Variants in THSD7A observed in about 807,000 individuals in gnomAD.
The protein encoded by THSD7A is thrombospondin type-1 domain-containing protein 7A.
A neutral mutation model predicts 231.3 loss-of-function variants in THSD7A; 96 were observed. The observed-to-expected ratio is 0.41, with a 90% CI of 0.35 to 0.49. The LOEUF (loss-of-function observed/expected upper bound fraction) is 0.49, where lower values mean the gene tolerates loss of function less well. Ranked by LOEUF, THSD7A falls within the 20% of genes least tolerant of loss-of-function variation. The pLI is 0.05. For synonymous variants in THSD7A, 940 were observed against 743.3 expected, an observed-to-expected ratio of 1.26 and a Z score of -4.30; for missense variants, 2,290 against 2,070.2, an observed-to-expected ratio of 1.11 and a Z score of -2.06.
At chr7:11,750,624 T>G (rs1562528049) in intron 1 of THSD7A, among the ~76,000 whole-genome samples, 1 of 152,082 alleles carries the variant, frequency 6.6e-6, no homozygotes, top group Non-Finnish European at 1.5e-5. Context: ...CAGAGGCCCC[T>G]GACGTGGCGC....
intron 1 of THSD7A, among the ~76,000 whole-genome samples, chr7:11,715,197 T>A (rs760114020): frequency 2.0e-5 from 3 of 151,448 alleles, no homozygotes. Flanking sequence ...AAAAATCATA[T>A]TGTTTTCCTC....
At chr7:11,428,466 A>C (rs1784386969) in intron 14 of THSD7A, among the ~76,000 whole-genome samples, 2 of 152,140 alleles carry the variant, frequency 1.3e-5, no homozygotes. Flanking sequence ...CCATCTTTGT[A>C]TTTCTTTTTC....
rs186509015 is a variant in THSD7A, at chr7:11,411,976, T to C, written c.3683-654A>G. Among the ~76,000 whole-genome samples the C allele has an allele frequency of 2.3e-3, 357 of 152,228 alleles. No homozygotes were observed. Among genetic ancestry groups the C allele is most frequent in the Non-Finnish European group, 4.1e-3 (276 of 68,012 alleles). ...AGAAACAAAGCCAATATGACTGTTATGTGTCATTGTACAGTTTCTTGAGTT... is the reference window on the plus strand; with the variant it reads ...AGAAACAAAGCCAATATGACTGTTACGTGTCATTGTACAGTTTCTTGAGTT... On this transcript the variant is annotated intron_variant, in intron 18 of 27. Coordinates refer to ENST00000423059, the MANE Select transcript of THSD7A (RefSeq NM_015204.3). This position sits in a 1 kb window ranked among gnomAD's most constrained non-coding sequence, Gnocchi z 4.1.
chr7:11,615,246 A>G (rs908001595), intron 2 of THSD7A, among the ~76,000 whole-genome samples: 3 of 152,226 alleles, frequency 2.0e-5, no homozygotes, highest in African/African-American at 7.2e-5. Flanking sequence ...CCCTGACTTG[A>G]AGACAAGCAG....
chr7:11,597,685 A>T (rs1780413471), intron 2 of THSD7A, among the ~76,000 whole-genome samples: 1 of 152,196 alleles, frequency 6.6e-6, no homozygotes, highest in Non-Finnish European at 1.5e-5. Context: ...ACGTTTGATT[A>T]TACGTCATCA....
chr7:11,693,365 A>C (rs780965703), intron 1 of THSD7A, among the ~76,000 whole-genome samples: 2 of 151,582 alleles, frequency 1.3e-5, no homozygotes, highest in African/African-American at 2.4e-5. Flanking sequence ...TACATCTATT[A>C]GTAACTAGAT....
chr7:11,525,555 T>C (rs1027311230), intron 6 of THSD7A, among the ~76,000 whole-genome samples: 5 of 152,128 alleles, frequency 3.3e-5, no homozygotes, highest in Admixed American at 2.6e-4. Flanking sequence ...ACATAAAATA[T>C]ATTTAAAAGT....
At chr7:11,600,446 T>A (rs1562759488) in intron 2 of THSD7A, among the ~76,000 whole-genome samples, 1 of 152,150 alleles carries the variant, frequency 6.6e-6, no homozygotes. Flanking sequence ...TGTTCAAACT[T>A]TTATCTATCT....
At chr7:11,812,214 G>A (rs1210827188) in intron 1 of THSD7A, among the ~76,000 whole-genome samples, 1 of 151,676 alleles carries the variant, frequency 6.6e-6, no homozygotes, top group Non-Finnish European at 1.5e-5. Flanking sequence ...ACACACAGAT[G>A]AAGAAGATTT....
chr7:11,571,944 T>A (rs572044343), intron 4 of THSD7A, among the ~76,000 whole-genome samples: 1 of 152,192 alleles, frequency 6.6e-6, no homozygotes, highest in Non-Finnish European at 1.5e-5. Flanking sequence ...TTGATGTTTT[T>A]TTAACTGAAT....
chr7:11,661,772 C>T (rs532719249), intron 1 of THSD7A, among the ~76,000 whole-genome samples: 2 of 150,904 alleles, frequency 1.3e-5, no homozygotes, highest in East Asian at 3.9e-4. Flanking sequence ...CAGGTAAATC[C>T]CAGTGAATAT....
At chr7:11,753,028 A>C (rs2128165454) in intron 1 of THSD7A, among the ~76,000 whole-genome samples, 1 of 152,262 alleles carries the variant, frequency 6.6e-6, no homozygotes, top group Non-Finnish European at 1.5e-5. Flanking sequence ...TTAAAGTGTT[A>C]GTTTATAAAA....
At chr7:11,779,280 A>T (rs1783546520) in intron 1 of THSD7A, among the ~76,000 whole-genome samples, 1 of 152,100 alleles carries the variant, frequency 6.6e-6, no homozygotes, top group Non-Finnish European at 1.5e-5. Flanking sequence ...TGTTAATATT[A>T]TCTCATCTTT....
intron 1 of THSD7A, among the ~76,000 whole-genome samples, chr7:11,744,549 A>G (rs10255826): frequency 0.027 from 4,030 of 150,850 alleles, 195 homozygotes; most frequent in African/African-American, 0.093. Context: ...CTATTAACTC[A>G]TCATTTAACA....
At chr7:11,651,056 G>A (rs568857370) in intron 1 of THSD7A, among the ~76,000 whole-genome samples, 24 of 152,022 alleles carry the variant, frequency 1.6e-4, no homozygotes, top group Non-Finnish European at 2.4e-4. Context: ...CAATCCAAAT[G>A]TCTAATAATA....
At chr7:11,434,832 T>C (rs1218877686) in intron 13 of THSD7A, among the ~76,000 whole-genome samples, 1 of 151,976 alleles carries the variant, frequency 6.6e-6, no homozygotes, top group Non-Finnish European at 1.5e-5. Flanking sequence ...TATTAAAAAC[T>C]GGTGATCTGA....
chr7:11,737,668 A>G (rs1321294463), intron 1 of THSD7A, among the ~76,000 whole-genome samples: 1 of 152,000 alleles, frequency 6.6e-6, no homozygotes, highest in Non-Finnish European at 1.5e-5. Context: ...ATATTCTCCA[A>G]TGAGCAAGTT....
chr7:11,678,776 G>A (rs1048622903), intron 1 of THSD7A, among the ~76,000 whole-genome samples: 17 of 152,086 alleles, frequency 1.1e-4, no homozygotes, highest in African/African-American at 3.9e-4. Context: ...GGTACAAAGA[G>A]GAGCTGGTAC....
chr7:11,752,067 G>A (rs1009843448), intron 1 of THSD7A, among the ~76,000 whole-genome samples: 3 of 152,092 alleles, frequency 2.0e-5, no homozygotes, highest in Admixed American at 6.6e-5. Flanking sequence ...TTTATTGAGA[G>A]AGCTTGTTTA....
Sources: allele counts gnomAD v4.1 joint callset (sites outside exome capture counted in the v4.1 genomes callset), GRCh38; gene constraint gnomAD v4.1.1; non-coding constraint Gnocchi (gnomAD v3.1); transcripts MANE v1.5; gene names NCBI Gene and HGNC (gene_info 2026-07-23, HGNC 2026-07-21).